The following FRMD4A variants were observed in gnomAD, a reference collection of about 807,000 sequenced individuals.
The protein encoded by FRMD4A is FERM domain containing 4A, also known as FERM domain-containing protein 4A.
FRMD4A carries 29 observed loss-of-function variants against 129.1 expected under a neutral mutation model. The observed-to-expected ratio is 0.22, with a 90% CI of 0.17 to 0.31. FRMD4A has a LOEUF of 0.31. FRMD4A is among the 10% of genes least tolerant of loss of function. The pLI is 1.00. For synonymous variants in FRMD4A, 634 were observed against 571.6 expected (o/e 1.11, Z -1.56); for missense variants, 1,272 against 1,375.8 (o/e 0.92, Z 1.19).
chr10:13,863,936 G>C (rs979485184), intron 2 of FRMD4A, among the ~76,000 whole-genome samples: 17 of 152,112 alleles, frequency 1.1e-4, no homozygotes, highest in Non-Finnish European at 2.2e-4. Context: ...ACCACACAGG[G>C]ACACGGAAAG....
chr10:13,904,992 C>CAAAGAAA (rs551011444), intron 2 of FRMD4A, among the ~76,000 whole-genome samples: 2,599 of 109,398 alleles, frequency 0.024, 245 homozygotes, highest in African/African-American at 0.067. Flanking sequence ...GACTCTATCT[C>CAAAGAAA]AAAAAAAAAA....
At chr10:13,689,198 C>CCGGGG (rs2085397263) in intron 15 of FRMD4A, among the ~76,000 whole-genome samples, 2 of 68,072 alleles carry the variant, frequency 2.9e-5, no homozygotes, top group African/African-American at 9.0e-5. Flanking sequence ...AAACTCTTTG[C>CCGGGG]GGGGGGGGGG....
At chr10:14,235,513 T>C (rs1247230549) in intron 2 of FRMD4A, among the ~76,000 whole-genome samples, 3 of 152,150 alleles carry the variant, frequency 2.0e-5, no homozygotes, top group Non-Finnish European at 2.9e-5. Context: ...TTTATGGTTG[T>C]TCCTGGTTTA....
At chr10:13,858,987 A>T (rs1293963088) in intron 2 of FRMD4A, 75 bp from the exon 3 acceptor site, 4 of 880,378 alleles carry the variant, frequency 4.5e-6, no homozygotes, top group Non-Finnish European at 5.8e-6. Context: ...CCGACGCTGC[A>T]CTCTGCCAGG....
At chr10:14,098,864 C>T (rs1039586377) in intron 2 of FRMD4A, among the ~76,000 whole-genome samples, 1 of 152,162 alleles carries the variant, frequency 6.6e-6, no homozygotes, top group Non-Finnish European at 1.5e-5. Context: ...TACAACATAG[C>T]GGGCGTGCAT....
intron 2 of FRMD4A, among the ~76,000 whole-genome samples, chr10:14,192,584 A>G (rs1297934390): frequency 6.6e-6 from 1 of 152,114 alleles, no homozygotes; most frequent in Admixed American, 6.5e-5. Flanking sequence ...CTCTTTCCTT[A>G]AGAGAGCTTC....
chr10:14,011,317 A>G (rs2095681450), intron 2 of FRMD4A, among the ~76,000 whole-genome samples: 1 of 152,208 alleles, frequency 6.6e-6, no homozygotes, highest in Non-Finnish European at 1.5e-5. Context: ...AGTTGGGCAC[A>G]GGGGACGGAG....
chr10:14,278,916 G>T lies in FRMD4A; in HGVS notation c.45+51142C>A, dbSNP rs74778729. 4.3e-3 allele frequency among the ~76,000 whole-genome samples: 648 copies of T among 152,266 alleles called. 5 individuals are homozygous for T. Among genetic ancestry groups the T allele is most frequent in the African/African-American group, 0.014 (590 of 41,550 alleles). On this transcript the variant is annotated intron_variant, in intron 2 of 24. Coordinates refer to ENST00000357447, the MANE Select transcript of FRMD4A (RefSeq NM_018027.5). Reference sequence around the variant, plus strand: ...GAAATGTATGGATTTCTTTCTTCTAGCTAATCACAGCGGCACGGTTGTAAC... The same window carrying T: ...GAAATGTATGGATTTCTTTCTTCTATCTAATCACAGCGGCACGGTTGTAAC...
chr10:13,645,381 T>G lies in FRMD4A; in HGVS notation c.*1657A>C, dbSNP rs1323732202. On this transcript the variant is annotated 3_prime_UTR_variant, in exon 25 of 25. Transcript: ENST00000357447. The stretch of plus-strand genomic sequence containing the variant: ...CACCCCCACCCCATCCCCCCACCAC[T>G]TGCGCCAAAAGCACAGCATACCACC... 3.4e-5 allele frequency: 3 copies of G among 88,094 alleles called. No individual in the cohort carries two copies. The highest frequency in any genetic ancestry group is 8.4e-4 in the South Asian group (2 of 2,374). The allele number at this position is 88,094 out of a possible 1,614,324, so 5.5% of individuals were successfully genotyped here. A position where few individuals can be genotyped will look rare whatever the true frequency, so the allele number is the denominator to read the frequency against.
At chr10:14,141,272 T>C (rs1412531695) in intron 2 of FRMD4A, among the ~76,000 whole-genome samples, 1 of 152,110 alleles carries the variant, frequency 6.6e-6, no homozygotes, top group Non-Finnish European at 1.5e-5. Context: ...GCCCACAGGA[T>C]CCAAGTCGCT....
chr10:14,152,114 GTGCTTTTTT>G (rs1564343092), intron 2 of FRMD4A, among the ~76,000 whole-genome samples: 1 of 124,604 alleles, frequency 8.0e-6, no homozygotes, highest in African/African-American at 3.0e-5. Flanking sequence ...TGTTTGTGTA[GTGCTTTTTT>G]TTTTTTTTTT....
chr10:14,329,906 C>A (rs916829508), intron 2 of FRMD4A, 152 bp downstream of exon 2: 13 of 717,786 alleles, frequency 1.8e-5, no homozygotes, highest in Non-Finnish European at 2.9e-5. Context: ...TGCTGATACT[C>A]TGACCCAAGA....
At chr10:13,694,928 G>C (rs1440403931) in intron 14 of FRMD4A, among the ~76,000 whole-genome samples, 3 of 152,028 alleles carry the variant, frequency 2.0e-5, no homozygotes, top group African/African-American at 7.3e-5. Flanking sequence ...CTGCTCATTT[G>C]GATTCTGGGG....
intron 3 of FRMD4A, among the ~76,000 whole-genome samples, chr10:13,845,272 A>G (rs2094027127): frequency 6.6e-6 from 1 of 152,202 alleles, no homozygotes; most frequent in African/African-American, 2.4e-5. Context: ...CACATGAGTT[A>G]TATATGGCGT....
chr10:14,127,945 T>C (rs962639996), intron 2 of FRMD4A, among the ~76,000 whole-genome samples: 2 of 16,172 alleles, frequency 1.2e-4, no homozygotes, highest in Non-Finnish European at 2.3e-4. Context: ...TTTCTTTCTT[T>C]CTTTCTTTCT....
intron 2 of FRMD4A, among the ~76,000 whole-genome samples, chr10:14,276,587 C>T (rs1002151317): frequency 1.3e-5 from 2 of 152,236 alleles, no homozygotes; most frequent in African/African-American, 2.4e-5. Flanking sequence ...CCTCTGGCTT[C>T]CGTTCCTGCC....
At chr10:13,863,879 T>A (rs1217710697) in intron 2 of FRMD4A, among the ~76,000 whole-genome samples, 1 of 152,092 alleles carries the variant, frequency 6.6e-6, no homozygotes, top group African/African-American at 2.4e-5. Flanking sequence ...TAGGCTTAGA[T>A]TGGAAACAGT....
intron 2 of FRMD4A, among the ~76,000 whole-genome samples, chr10:13,941,639 T>C (rs1033557157): frequency 1.3e-5 from 2 of 152,190 alleles, no homozygotes; most frequent in East Asian, 3.9e-4. Flanking sequence ...AGAATTATAC[T>C]TACAGTTAGG....
chr10:13,738,315 C>A (rs901525324), intron 11 of FRMD4A, among the ~76,000 whole-genome samples: 1 of 152,316 alleles, frequency 6.6e-6, no homozygotes, highest in Non-Finnish European at 1.5e-5. Flanking sequence ...TGAGATGTCA[C>A]ACCTAATAAA....
Sources: allele counts gnomAD v4.1 joint callset (sites outside exome capture counted in the v4.1 genomes callset), GRCh38; gene constraint gnomAD v4.1.1; transcripts MANE v1.5; gene names NCBI Gene and HGNC (gene_info 2026-07-23, HGNC 2026-07-21).